The following KIF1B variants were observed in gnomAD, a reference collection of about 807,000 sequenced individuals.
The protein encoded by KIF1B is kinesin-like protein KIF1B.
In KIF1B, 76 loss-of-function variants were observed where a neutral mutation model predicts 241.9. That is an observed-to-expected ratio of 0.31 (90% CI 0.26 to 0.38). The LOEUF (loss-of-function observed/expected upper bound fraction) is 0.38. KIF1B is among the 10% of genes least tolerant of loss of function. KIF1B has a pLI of 1.00. For synonymous variants in KIF1B, 750 were observed against 796.7 expected (o/e 0.94, Z 0.99); for missense variants, 1,622 against 2,271.4 (o/e 0.71, Z 5.81).
intron 11 of KIF1B, 93 bp downstream of exon 11, chr1:10,275,596 C>T: frequency 1.2e-6 from 1 of 812,426 alleles, no homozygotes; most frequent in Non-Finnish European, 2.2e-6. Flanking sequence ...GACAAATAAT[C>T]TCTAGATATT....
intron 44 of KIF1B, 66 bp from the exon 45 acceptor site, chr1:10,371,075 C>G (rs1638719205): frequency 8.1e-6 from 13 of 1,605,120 alleles, no homozygotes; most frequent in Middle Eastern, 1.7e-4. Context: ...TTGAAACTCC[C>G]TATTGTTACT....
At chr1:10,254,874 CTCAAAAAAAAAA>C (rs1647681020) in intron 2 of KIF1B, among the ~76,000 whole-genome samples, 1 of 77,668 alleles carries the variant, frequency 1.3e-5, no homozygotes, top group South Asian at 4.8e-4. Flanking sequence ...GAGACTCTGT[CTCAAAAAAAAAA>C]AAAAAAAAAA....
chr1:10,353,571 T>C (rs1159012578), intron 38 of KIF1B, among the ~76,000 whole-genome samples: 1 of 152,186 alleles, frequency 6.6e-6, no homozygotes, highest in African/African-American at 2.4e-5. Context: ...CACAGGACTT[T>C]GCTGTGCTTC....
rs1638987922 is a variant in KIF1B at position 10,380,258 on chromosome 1, A to G, written c.*3671A>G. The stretch of plus-strand genomic sequence containing the variant: ...TTGCACAGTGGATTGGAGAGAAAGG[A>G]TTCTCCAGTGTGCACACTCATCGGT... On this transcript the variant is annotated 3_prime_UTR_variant, in exon 49 of 49. Coordinates refer to ENST00000676179, the MANE Select transcript of KIF1B (RefSeq NM_001365951.3). 1 of 212,516 alleles carries G rather than the reference A, an allele frequency of 4.7e-6. No homozygotes were observed. Among genetic ancestry groups the G allele is most frequent in the Non-Finnish European group, 9.6e-6 (1 of 104,652 alleles). The allele number at this position is 212,516 out of a possible 1,614,324, so 13.2% of individuals were successfully genotyped here. A position where few individuals can be genotyped will look rare whatever the true frequency, so the allele number is the denominator to read the frequency against.
At chr1:10,348,262 T>G (rs910992198) in intron 36 of KIF1B, among the ~76,000 whole-genome samples, 5 of 152,158 alleles carry the variant, frequency 3.3e-5, no homozygotes, top group African/African-American at 9.7e-5. Context: ...TCAGTCAGTG[T>G]TCAAAAGTAC....
rs1638899196 is a variant in KIF1B at position 10,376,711 on chromosome 1, C to T, written c.*124C>T. On this transcript the variant is annotated 3_prime_UTR_variant, in exon 49 of 49. Transcript: ENST00000676179. Reference sequence around the variant, plus strand: ...CCTGTGGCTTAACTACTTCTCCCTCCTTGTCCAGCACTTTTCTAGCTCTCC... The same window carrying T: ...CCTGTGGCTTAACTACTTCTCCCTCTTTGTCCAGCACTTTTCTAGCTCTCC... 2.1e-6 allele frequency: 2 copies of T among 964,094 alleles called. No individual in the cohort carries two copies. Among genetic ancestry groups the T allele is most frequent in the African/African-American group, 1.6e-5 (1 of 62,262 alleles). The allele number at this position is 964,094 out of a possible 1,614,324, so 59.7% of individuals were successfully genotyped here.
At chr1:10,266,559 A>G (rs1191237282) in intron 5 of KIF1B, among the ~76,000 whole-genome samples, 1 of 152,218 alleles carries the variant, frequency 6.6e-6, no homozygotes, top group Non-Finnish European at 1.5e-5. Context: ...TACATCGTCC[A>G]TAGTTAGTAA....
At chr1:10,279,789 T>C (rs1335433742) in intron 14 of KIF1B, among the ~76,000 whole-genome samples, 4 of 144,978 alleles carry the variant, frequency 2.8e-5, no homozygotes, top group Non-Finnish European at 4.5e-5. Context: ...CTTGAACTCT[T>C]GGGCTCAAGT....
intron 1 of KIF1B, chr1:10,211,655 C>G (rs1000108957): frequency 6.6e-6 from 1 of 151,556 alleles, no homozygotes; most frequent in Non-Finnish European, 1.5e-5. Flanking sequence ...TCATGCAACA[C>G]AAAACATTCC....
intron 16 of KIF1B, 91 bp downstream of exon 16, chr1:10,291,252 C>A: frequency 5.2e-6 from 5 of 958,710 alleles, no homozygotes; most frequent in South Asian, 1.4e-5. Flanking sequence ...AAATTAAAAT[C>A]AAAGAGTCTG....
chr1:10,322,271 G>A (rs1408046038), intron 24 of KIF1B, among the ~76,000 whole-genome samples: 2 of 152,100 alleles, frequency 1.3e-5, no homozygotes, highest in Non-Finnish European at 2.9e-5. Context: ...CTGTGTAGTG[G>A]ACAAGCACAT....
rs762586826 is a variant in KIF1B, at chr1:10,279,817, C to T, written c.1222+679C>T. On this transcript the variant is annotated intron_variant, in intron 14 of 48. Coordinates refer to ENST00000676179, the MANE Select transcript of KIF1B (RefSeq NM_001365951.3). The stretch of plus-strand genomic sequence containing the variant: ...GCTCAAGTGATCTTTCCAGCTCAGC[C>T]TCCTGAGTATCTGAGACTACAGTTG... Among the ~76,000 whole-genome samples, 10 of 149,870 alleles carry T rather than the reference C, an allele frequency of 6.7e-5. No homozygotes were observed. In the East Asian group the frequency reaches 8.1e-4, roughly 12 times the overall value.
chr1:10,288,547 C>T (rs1346594258), intron 15 of KIF1B, among the ~76,000 whole-genome samples: 1 of 152,068 alleles, frequency 6.6e-6, no homozygotes, highest in East Asian at 1.9e-4. Context: ...TCACTTGCCA[C>T]CCCCAACTGC....
Position 10,376,538 on chromosome 1 carries a change from C to T in KIF1B, c.5409-7C>T, listed in dbSNP as rs1041955734. On this transcript the variant is annotated splice_polypyrimidine_tract_variant and splice_region_variant and intron_variant, in intron 48 of 48. Coordinates refer to ENST00000676179, the MANE Select transcript of KIF1B (RefSeq NM_001365951.3). ...TCTAATCCTACCTCCCCGTTTGTCC[C>T]CCATAGGTCAAAGCTTTCCCGCAGA... The T allele has an allele frequency of 6.2e-7, 1 of 1,613,962 alleles. No homozygotes were observed. Among genetic ancestry groups the T allele is most frequent in the African/African-American group, 1.3e-5 (1 of 75,022 alleles).
At chr1:10,291,330 T>G (rs1649985691) in intron 16 of KIF1B, among the ~76,000 whole-genome samples, 169 bp downstream of exon 16, 2 of 152,202 alleles carry the variant, frequency 1.3e-5, no homozygotes, top group South Asian at 4.1e-4. Flanking sequence ...ATTTATGCTT[T>G]GAAATGACAT....
At chr1:10,369,797 T>C (rs979123669) in intron 44 of KIF1B, among the ~76,000 whole-genome samples, 2 of 151,404 alleles carry the variant, frequency 1.3e-5, no homozygotes, top group African/African-American at 4.9e-5. Context: ...CCGGATATGG[T>C]GGCGCATGCC....
intron 2 of KIF1B, among the ~76,000 whole-genome samples, chr1:10,233,819 T>G (rs1416183629): frequency 6.6e-6 from 1 of 151,884 alleles, no homozygotes. Flanking sequence ...TTTTTGTATT[T>G]TTAGTAGAGA....
chr1:10,290,250 C>T (rs1649925464), intron 15 of KIF1B, among the ~76,000 whole-genome samples: 1 of 151,976 alleles, frequency 6.6e-6, no homozygotes, highest in African/African-American at 2.4e-5. Flanking sequence ...TGGTTTGCTG[C>T]CCCTATCAAC....
In KIF1B at chr1:10,239,004, C is replaced by T. The variant is rs540869204; in HGVS notation, c.106+6570C>T. ...CACTCTGTCACCCATGCTGGAGTGC[C>T]GTGGTGCAATCTTGGCTCACTGTAG... On this transcript the variant is annotated intron_variant, in intron 2 of 48. Transcript: ENST00000676179. 6.6e-5 allele frequency among the ~76,000 whole-genome samples: 10 copies of T among 151,812 alleles called. No individual in the cohort carries two copies. The East Asian group carries it at 1.9e-3, about 29-fold the overall frequency.
Sources: gnomAD v4.1 joint callset for allele counts (sites outside exome capture counted in the v4.1 genomes callset) on GRCh38, gnomAD v4.1.1 for gene constraint, MANE v1.5 for transcripts, NCBI Gene and HGNC (gene_info 2026-07-23, HGNC 2026-07-21) for gene names.